The following LONP1 variants were observed in gnomAD, a reference collection of about 807,000 sequenced individuals.
LONP1 encodes lon protease homolog, mitochondrial.
LONP1 carries 31 observed loss-of-function variants against 98.5 expected under a neutral mutation model. The ratio of observed to expected loss-of-function variants is 0.31; its 90% CI spans 0.24 to 0.42. The LOEUF (loss-of-function observed/expected upper bound fraction) is 0.42, where lower values mean the gene tolerates loss of function less well. Ranked by LOEUF, LONP1 falls within the 20% of genes least tolerant of loss-of-function variation. The pLI is 1.00. For synonymous variants in LONP1, 781 were observed against 594.7 expected (o/e 1.31, Z -4.56); for missense variants, 1,336 against 1,350.6 (o/e 0.99, Z 0.17).
intron 4 of LONP1, among the ~76,000 whole-genome samples, chr19:5,710,160 C>A (rs370438630): frequency 1.3e-5 from 2 of 150,440 alleles, no homozygotes; most frequent in African/African-American, 4.9e-5. Context: ...CTCGGCTCAC[C>A]GCAACCTCTG....
intron 1 of LONP1, chr19:5,715,063 A>G (rs924889212): frequency 6.6e-6 from 1 of 151,546 alleles, no homozygotes; most frequent in African/African-American, 2.4e-5. Context: ...AAAAAAAAAA[A>G]AAAAAAAGTG....
At chr19:5,705,159 CT>C (rs1470563463) in intron 8 of LONP1, among the ~76,000 whole-genome samples, 1 of 143,008 alleles carries the variant, frequency 7.0e-6, no homozygotes, top group African/African-American at 2.6e-5. Context: ...AAGACTCTGT[CT>C]TAAAAAAAAA....
chr19:5,697,001 C>G (rs1363593339), intron 10 of LONP1, among the ~76,000 whole-genome samples: 1 of 152,190 alleles, frequency 6.6e-6, no homozygotes, highest in Non-Finnish European at 1.5e-5. Flanking sequence ...TCCCTCAGTC[C>G]CATCCCTCAG....
At chr19:5,708,247 C>T (rs968665439) in intron 5 of LONP1, 95 bp downstream of exon 5, 1 of 1,292,804 alleles carries the variant, frequency 7.7e-7, no homozygotes, top group Non-Finnish European at 1.1e-6. Context: ...AAGGTTTCCT[C>T]CCAGGAGGAC....
chr19:5,720,284 G>C (rs995826473), upstream of LONP1: 7 of 1,124,658 alleles, frequency 6.2e-6, no homozygotes, highest in Non-Finnish European at 8.3e-6. Flanking sequence ...AGAGGGGGCG[G>C]AGTTCGAGCA....
chr19:5,695,679 TCTC>T (rs547531622), intron 13 of LONP1, among the ~76,000 whole-genome samples: 73 of 151,400 alleles, frequency 4.8e-4, no homozygotes, highest in African/African-American at 1.5e-3. Flanking sequence ...TGAAACCACT[TCTC>T]CTCCAAGCCT....
At position 5,720,011 on chromosome 19, in the gene LONP1, C is replaced by G. The variant is rs1374136799; in HGVS notation, c.122G>C (p.Arg41Pro). Reference protein sequence around the residue: ...VPTAAGAWLLRGQRTCDASPP... With the variant: ...VPTAAGAWLLPGQRTCDASPP... ...AGAGGCGTCGCAGGTCCGCTGGCCT[C>G]GGAGCAACCACGCTCCTGCTGCAGT... Residue 41 changes from arginine (R) to proline (P), a missense_variant, in exon 1 of 18, where the codon CGA (arginine) becomes CCA (proline). By Grantham distance (103) the Arg-to-Pro change is moderately radical. Transcript: ENST00000360614. The G allele has an allele frequency of 3.8e-6, 6 of 1,573,086 alleles. No homozygotes were observed. The highest frequency in any genetic ancestry group is 5.2e-6 in the Non-Finnish European group (6 of 1,162,128).
chr19:5,708,284 C>A, intron 5 of LONP1, 58 bp downstream of exon 5: 1 of 1,551,880 alleles, frequency 6.4e-7, no homozygotes, highest in South Asian at 1.1e-5. Context: ...ACCCACCCAG[C>A]TGCAGAAAGA....
chr19:5,708,468 G>GGGGGGGGGGGA, intron 4 of LONP1, 65 bp from the exon 5 acceptor site: 1 of 551,262 alleles, frequency 1.8e-6, no homozygotes, highest in Non-Finnish European at 3.4e-6. Context: ...GGCTGGGTGG[G>GGGGGGGGGGGA]AGCATGGCCC....
At chr19:5,704,925 G>A (rs1024168044) in intron 8 of LONP1, among the ~76,000 whole-genome samples, 2 of 151,764 alleles carry the variant, frequency 1.3e-5, no homozygotes, top group African/African-American at 2.4e-5. Context: ...CTTTGGGAGG[G>A]CAAGGTGGGC....
intron 9 of LONP1, among the ~76,000 whole-genome samples, chr19:5,699,723 A>C (rs1201783077): frequency 6.6e-6 from 1 of 151,024 alleles, no homozygotes; most frequent in Non-Finnish European, 1.5e-5. Flanking sequence ...ATGCCTGGCT[A>C]CTTTTTTTGT....
chr19:5,698,387 G>C (rs996242859), intron 10 of LONP1, among the ~76,000 whole-genome samples: 1 of 152,208 alleles, frequency 6.6e-6, no homozygotes, highest in African/African-American at 2.4e-5. Context: ...TGAGGCTACG[G>C]TTTCCAAAGA....
At chr19:5,703,729 G>C (rs1423615351) in intron 8 of LONP1, among the ~76,000 whole-genome samples, 2 of 152,002 alleles carry the variant, frequency 1.3e-5, no homozygotes, top group Non-Finnish European at 2.9e-5. Context: ...ACACTTTGCG[G>C]AGAGCATTCT....
intron 16 of LONP1, 31 bp downstream of exon 16, chr19:5,693,521 G>A (rs770993304): frequency 3.8e-5 from 62 of 1,613,074 alleles, no homozygotes; most frequent in South Asian, 8.8e-5. Flanking sequence ...GGGACTGGGC[G>A]GGAGCAGGTG....
intron 8 of LONP1, among the ~76,000 whole-genome samples, chr19:5,705,077 G>A (rs916962137): frequency 6.6e-6 from 1 of 151,844 alleles, no homozygotes; most frequent in African/African-American, 2.4e-5. Context: ...CAGTAGAATC[G>A]TTTCAACCTG....
intron 8 of LONP1, among the ~76,000 whole-genome samples, chr19:5,701,466 G>A (rs543190834): frequency 1.5e-4 from 23 of 152,280 alleles, no homozygotes; most frequent in Middle Eastern, 3.4e-3. Context: ...GAGTGCCTGC[G>A]ATTGCAGGCG....
In LONP1 at chr19:5,711,847, T is replaced by G. The variant is rs1225052101; in HGVS notation, c.794A>C (p.Glu265Ala). Residue 265 changes from glutamate (E) to alanine (A), a missense_variant, in exon 4 of 18, where the codon GAG becomes GCG. Glu to Ala is a moderately radical substitution (Grantham distance 107, BLOSUM62 -1). Around this residue, in one of 5 missense-constraint regions of LONP1, gnomAD observed 457 missense variants for 403.1 expected, o/e 1.13. Transcript: ENST00000360614. ...PAELAMEPTPELPAEVLMVEV... is the reference protein window; with the variant it reads ...PAELAMEPTPALPAEVLMVEV... ...CACCATGAGCACCTCAGCCGGGAGC[T>G]CAGGGGTGGGCTCCATCGCCAGCTC... 1 of 1,612,780 alleles carries G rather than the reference T, an allele frequency of 6.2e-7. No individual in the cohort carries two copies. Among genetic ancestry groups the G allele is most frequent in the Non-Finnish European group, 8.5e-7 (1 of 1,180,004 alleles).
chr19:5,711,248 G>A (rs2055232710), intron 4 of LONP1, among the ~76,000 whole-genome samples: 1 of 152,220 alleles, frequency 6.6e-6, no homozygotes, highest in Admixed American at 6.5e-5. Context: ...CACGCTTCAG[G>A]CCTTTGGTTA....
chr19:5,714,098 A>C, intron 2 of LONP1, 85 bp downstream of exon 2: 4 of 1,053,850 alleles, frequency 3.8e-6, no homozygotes, highest in Non-Finnish European at 5.6e-6. Flanking sequence ...TCAGGGGTCA[A>C]AGGTGCAAAG....
Sources: allele counts gnomAD v4.1 joint callset (sites outside exome capture counted in the v4.1 genomes callset), GRCh38; gene constraint gnomAD v4.1.1; regional missense constraint gnomAD v4.1.1; transcripts MANE v1.5; gene names NCBI Gene and HGNC (gene_info 2026-07-23, HGNC 2026-07-21).